The following SHCBP1 variants were observed in gnomAD, a reference collection of about 807,000 sequenced individuals.
SHCBP1 encodes the protein SHC SH2 domain-binding protein 1.
In SHCBP1, 60 loss-of-function variants were observed where a neutral mutation model predicts 75.1. The observed-to-expected ratio is 0.80, with a 90% CI of 0.65 to 0.99. SHCBP1 has a LOEUF of 0.99. Among genes scored for constraint, SHCBP1 ranks in the 50% least tolerant of loss-of-function variants. The probability of loss-of-function intolerance (pLI) is 0.00; values close to 1 mark genes in which losing one functional copy is unlikely to be tolerated. For synonymous variants in SHCBP1, 290 were observed against 293.2 expected (o/e 0.99, Z 0.11); for missense variants, 709 against 809.4 (o/e 0.88, Z 1.50).
chr16:46,581,649 G>T lies in SHCBP1; in HGVS notation c.*80C>A, dbSNP rs1000370858. On this transcript the variant is annotated 3_prime_UTR_variant, in exon 13 of 13. Transcript: ENST00000303383. The stretch of plus-strand genomic sequence containing the variant: ...TCAAATATAAAATACAGACAATACA[G>T]CAAACTACAATGGCAGCAGTGATTC... 7.8e-6 allele frequency: 10 copies of T among 1,274,102 alleles called. No homozygotes were observed. The highest frequency in any genetic ancestry group is 1.5e-5 in the African/African-American group (1 of 67,178). The allele number at this position is 1,274,102 out of a possible 1,614,324, so 78.9% of individuals were successfully genotyped here.
At chr16:46,591,193 G>T (rs1965042989) in intron 10 of SHCBP1, among the ~76,000 whole-genome samples, 1 of 152,166 alleles carries the variant, frequency 6.6e-6, no homozygotes, top group South Asian at 2.1e-4. Flanking sequence ...GGGAGGGATA[G>T]CATTAGGAGA....
chr16:46,620,523 A>G (rs1466526844), intron 1 of SHCBP1: 1 of 152,224 alleles, frequency 6.6e-6, no homozygotes, highest in African/African-American at 2.4e-5. Flanking sequence ...CACAAGTACA[A>G]CCATTGGCAT....
At chr16:46,618,515 G>A in intron 1 of SHCBP1, 143 bp from the exon 2 acceptor site, 1 of 846,318 alleles carries the variant, frequency 1.2e-6, no homozygotes, top group African/African-American at 1.8e-5. Flanking sequence ...ATTGTGAGAA[G>A]AAACTAGTTT....
intron 10 of SHCBP1, among the ~76,000 whole-genome samples, chr16:46,592,183 G>GA (rs1178199483): frequency 3.3e-5 from 5 of 150,862 alleles, no homozygotes; most frequent in Non-Finnish European, 5.9e-5. Context: ...TTATCAAAAA[G>GA]AAAAAAAACA....
intron 9 of SHCBP1, among the ~76,000 whole-genome samples, chr16:46,598,844 T>C (rs925576994): frequency 1.5e-4 from 23 of 152,384 alleles, no homozygotes; most frequent in African/African-American, 5.0e-4. Flanking sequence ...CTAGATCTTC[T>C]GGTTAACTTT....
chr16:46,611,676 A>G (rs2143001566), intron 4 of SHCBP1, among the ~76,000 whole-genome samples: 1 of 152,206 alleles, frequency 6.6e-6, no homozygotes, highest in East Asian at 1.9e-4. Flanking sequence ...ACTTTTGTTT[A>G]TATCAGTCAG....
intron 4 of SHCBP1, among the ~76,000 whole-genome samples, chr16:46,610,959 G>T (rs2143001484): frequency 6.6e-6 from 1 of 152,246 alleles, no homozygotes; most frequent in South Asian, 2.1e-4. Context: ...TTCAAGGGAG[G>T]TGTAATGTAC....
intron 8 of SHCBP1, 110 bp from the exon 9 acceptor site, chr16:46,600,072 C>T (rs1393155108): frequency 5.8e-6 from 7 of 1,211,644 alleles, no homozygotes; most frequent in Non-Finnish European, 8.0e-6. Flanking sequence ...ATAATGAGAC[C>T]AGTCAACCAT....
At chr16:46,612,465 TTTGTTG>T (rs559149689) in intron 4 of SHCBP1, among the ~76,000 whole-genome samples, 6 of 151,798 alleles carry the variant, frequency 4.0e-5, no homozygotes, top group East Asian at 3.9e-4. Flanking sequence ...AGTGGAGTCT[TTTGTTG>T]TTGTTGTTGT....
At chr16:46,620,160 T>G (rs752593040) in intron 1 of SHCBP1, among the ~76,000 whole-genome samples, 4 of 152,164 alleles carry the variant, frequency 2.6e-5, no homozygotes, top group African/African-American at 7.2e-5. Flanking sequence ...TAGTTACCTT[T>G]TGTGTGTGTG....
rs1964831312 is a variant in SHCBP1, at chr16:46,578,950, T to C, written c.*2779A>G. On this transcript the variant is annotated 3_prime_UTR_variant, in exon 13 of 13. Coordinates refer to ENST00000303383, the MANE Select transcript of SHCBP1 (RefSeq NM_024745.5). Reference sequence around the variant, plus strand: ...AAAAGCAAAATCCAGAAAATGATTATTTCACCATCCTTCTGTAACTCCAGA... The same window carrying C: ...AAAAGCAAAATCCAGAAAATGATTACTTCACCATCCTTCTGTAACTCCAGA... Among the ~76,000 whole-genome samples the C allele has an allele frequency of 6.6e-6, 1 of 152,198 alleles. No individual in the cohort carries two copies. Among genetic ancestry groups the C allele is most frequent in the Non-Finnish European group, 1.5e-5 (1 of 68,028 alleles).
intron 10 of SHCBP1, among the ~76,000 whole-genome samples, chr16:46,586,177 T>G (rs1964952296): frequency 6.6e-6 from 1 of 152,236 alleles, no homozygotes; most frequent in African/African-American, 2.4e-5. Flanking sequence ...TAACTGACAG[T>G]GATTTTAAAG....
chr16:46,618,817 T>G (rs1226544747), intron 1 of SHCBP1, among the ~76,000 whole-genome samples: 1 of 152,240 alleles, frequency 6.6e-6, no homozygotes, highest in East Asian at 1.9e-4. Context: ...GGAAGACAGT[T>G]GATTTTTAAT....
rs1215040098 is a variant in SHCBP1 at position 46,582,046 on chromosome 16, C to T, written c.1702G>A (p.Ala568Thr). 1 of 1,594,276 alleles carries T rather than the reference C, an allele frequency of 6.3e-7. No homozygotes were observed. The highest frequency in any genetic ancestry group is 8.5e-7 in the Non-Finnish European group (1 of 1,172,550). ...TCTCCACTTGTCTGAATTTTAAGCG[C>T]TTTATTTTCTGGAGAAACAAACAAA... ...NAEDGTEENK[A>T]LKIQTSGEPD... is the part of the protein sequence containing the mutation. Residue 568 changes from alanine to threonine, a missense_variant, in exon 13 of 13, where the codon GCG (alanine) becomes ACG (threonine). Coordinates refer to ENST00000303383, the MANE Select transcript of SHCBP1 (RefSeq NM_024745.5).
chr16:46,617,729 C>A lies in SHCBP1; in HGVS notation c.292G>T (p.Val98Leu). 1 of 1,612,576 alleles carries A rather than the reference C, an allele frequency of 6.2e-7. No homozygotes were observed. The highest frequency in any genetic ancestry group is 8.5e-7 in the Non-Finnish European group (1 of 1,179,952). Residue 98 changes from valine to leucine, a missense_variant, in exon 3 of 13, where the codon GTA becomes TTA. Transcript: ENST00000303383. Reference sequence around the variant, plus strand: ...AAGAACTCAGCTGTGAATTCCTGTACCTCAGAGGCCTTGCAGTCAGCTACA... The same window carrying A: ...AAGAACTCAGCTGTGAATTCCTGTAACTCAGAGGCCTTGCAGTCAGCTACA... ...YILADCKASEVQEFTAEFLEK... is the reference protein window; with the variant it reads ...YILADCKASELQEFTAEFLEK...
At chr16:46,618,607 T>G (rs1355956189) in intron 1 of SHCBP1, among the ~76,000 whole-genome samples, 1 of 152,160 alleles carries the variant, frequency 6.6e-6, no homozygotes, top group Non-Finnish European at 1.5e-5. Context: ...AGATTTTTGT[T>G]GTTGTTCTGT....
intron 5 of SHCBP1, 54 bp downstream of exon 5, chr16:46,608,243 C>T (rs1965353451): frequency 1.6e-6 from 2 of 1,276,936 alleles, no homozygotes; most frequent in Non-Finnish European, 2.3e-6. Context: ...CAAAATTAAA[C>T]CATGGGTAAC....
intron 10 of SHCBP1, among the ~76,000 whole-genome samples, chr16:46,592,028 T>C (rs973759475): frequency 1.3e-5 from 2 of 151,244 alleles, no homozygotes; most frequent in Non-Finnish European, 3.0e-5. Context: ...AATAATCTAA[T>C]CTCTCAGGTG....
intron 7 of SHCBP1, 157 bp downstream of exon 7, chr16:46,603,818 A>C: frequency 7.9e-7 from 1 of 1,263,352 alleles, no homozygotes; most frequent in Non-Finnish European, 1.1e-6. Flanking sequence ...CATGCCTGGT[A>C]AGTGACTACT....
Sources: gnomAD v4.1 joint callset for allele counts (sites outside exome capture counted in the v4.1 genomes callset) on GRCh38, gnomAD v4.1.1 for gene constraint, MANE v1.5 for transcripts, NCBI Gene and HGNC (gene_info 2026-07-23, HGNC 2026-07-21) for gene names.